Variants in MAGI1 observed in about 807,000 individuals in gnomAD.
MAGI1 encodes membrane-associated guanylate kinase, WW and PDZ domain-containing protein 1.
A neutral mutation model predicts 139.9 loss-of-function variants in MAGI1; 58 were observed. The ratio of observed to expected loss-of-function variants is 0.41; its 90% CI spans 0.34 to 0.52. The LOEUF is 0.52. Ranked by LOEUF, MAGI1 falls within the 20% of genes least tolerant of loss-of-function variation. The pLI is 0.12. For synonymous variants in MAGI1, 812 were observed against 737.9 expected (o/e 1.10, Z -1.63); for missense variants, 1,874 against 1,901.6 (o/e 0.99, Z 0.27).
chr3:65,357,854 G>A (rs957730730), intron 22 of MAGI1, among the ~76,000 whole-genome samples: 7 of 152,018 alleles, frequency 4.6e-5, no homozygotes, highest in African/African-American at 1.7e-4. Flanking sequence ...TGTACGCAAG[G>A]GCCCATTAAA....
intron 8 of MAGI1, 149 bp downstream of exon 8, chr3:65,442,643 T>C: frequency 5.5e-6 from 3 of 543,840 alleles, no homozygotes; most frequent in Non-Finnish European, 9.8e-6. Flanking sequence ...TATTTTCTCA[T>C]TCATTAATAT....
In MAGI1 at chr3:65,399,705, A is replaced by C. The variant is rs979912337; in HGVS notation, c.2199+1734T>G. 2.6e-5 allele frequency among the ~76,000 whole-genome samples: 4 copies of C among 152,320 alleles called. No homozygotes were observed. The South Asian group carries it at 8.3e-4, about 32-fold the overall frequency. ...TTGCTAATGATATGGCTTCTGCAAA[A>C]ATTAACTGTCATAGGGAATTCTCTT... On this transcript the variant is annotated intron_variant, in intron 13 of 22. Transcript: ENST00000402939.
At chr3:65,376,162 G>A (rs1421930452) in intron 17 of MAGI1, among the ~76,000 whole-genome samples, 1 of 152,176 alleles carries the variant, frequency 6.6e-6, no homozygotes, top group African/African-American at 2.4e-5. Context: ...AGAATTCATT[G>A]CTGCCATCCT....
At chr3:65,603,512 G>C (rs1232085788) in intron 2 of MAGI1, among the ~76,000 whole-genome samples, 1 of 152,192 alleles carries the variant, frequency 6.6e-6, no homozygotes, top group Non-Finnish European at 1.5e-5. Flanking sequence ...TTTCTGTCTA[G>C]TTGATTGAAC....
At chr3:65,983,443 T>C (rs1267188453) in intron 1 of MAGI1, among the ~76,000 whole-genome samples, 2 of 152,250 alleles carry the variant, frequency 1.3e-5, no homozygotes, top group African/African-American at 4.8e-5. Context: ...ATTTCAACTC[T>C]GGACTTTTCT....
intron 1 of MAGI1, among the ~76,000 whole-genome samples, chr3:65,632,498 C>T (rs183742679): frequency 1.3e-5 from 2 of 152,282 alleles, no homozygotes; most frequent in South Asian, 4.1e-4. Context: ...AAAACTCTCA[C>T]ATCTAAAAAA....
At chr3:65,443,157 GC>G (rs1403191808) in intron 7 of MAGI1, among the ~76,000 whole-genome samples, 2 of 152,202 alleles carry the variant, frequency 1.3e-5, no homozygotes, top group Admixed American at 1.3e-4. Flanking sequence ...TGCCTTGAAT[GC>G]CTAGTTCCTA....
At chr3:65,706,033 A>G (rs2030211243) in intron 1 of MAGI1, among the ~76,000 whole-genome samples, 1 of 152,232 alleles carries the variant, frequency 6.6e-6, no homozygotes, top group South Asian at 2.1e-4. Context: ...TATTTGTGAG[A>G]ATATGCCTTT....
chr3:65,654,153 T>C (rs2085737133), intron 1 of MAGI1, among the ~76,000 whole-genome samples: 1 of 152,172 alleles, frequency 6.6e-6, no homozygotes, highest in African/African-American at 2.4e-5. Context: ...AGATATAGAA[T>C]ACATGGCAAA....
intron 2 of MAGI1, among the ~76,000 whole-genome samples, chr3:65,525,656 A>G (rs1031040636): frequency 6.6e-6 from 1 of 152,240 alleles, no homozygotes; most frequent in Non-Finnish European, 1.5e-5. Flanking sequence ...TGGTCATTCA[A>G]TTACAGTCAC....
In MAGI1 at chr3:65,430,767, T is replaced by C; in HGVS notation, c.1478A>G (p.Asp493Gly). The change falls in exon 11 of 23, where the codon GAT (aspartate) becomes GGT (glycine). Residue 493 changes from aspartate (D) to glycine (G), a missense_variant. Asp to Gly is a moderately conservative substitution (Grantham distance 94, BLOSUM62 -1). This residue lies in a region of MAGI1 where 86 missense variants were observed against 130.0 expected (regional missense o/e 0.66). Transcript: ENST00000402939. Reference sequence around the variant, plus strand: ...CAAGCTCTTGATCTGGAGAAACTCATCAGGTTCATCCCCTCCAACCACCGT... The same window carrying C: ...CAAGCTCTTGATCTGGAGAAACTCACCAGGTTCATCCCCTCCAACCACCGT... ...GFTVVGGDEP[D>G]EFLQIKSLVL... The C allele has an allele frequency of 6.2e-7, 1 of 1,613,670 alleles. No individual in the cohort carries two copies.
chr3:65,424,986 G>C (rs1946904742), intron 12 of MAGI1, among the ~76,000 whole-genome samples: 1 of 151,628 alleles, frequency 6.6e-6, no homozygotes, highest in African/African-American at 2.4e-5. Flanking sequence ...TAAGGCAGGA[G>C]GTTCATTTAA....
intron 3 of MAGI1, among the ~76,000 whole-genome samples, chr3:65,490,894 G>A (rs554967201): frequency 6.7e-6 from 1 of 149,940 alleles, no homozygotes; most frequent in East Asian, 2.0e-4. Flanking sequence ...CTCTCATATG[G>A]TAAGGAAATT....
At chr3:65,829,302 T>C (rs758895562) in intron 1 of MAGI1, among the ~76,000 whole-genome samples, 60 of 152,308 alleles carry the variant, frequency 3.9e-4, no homozygotes, top group Non-Finnish European at 5.4e-4. Context: ...CATAGTGCTA[T>C]GGTCTGAATG....
chr3:65,771,019 G>T (rs2037908023), intron 1 of MAGI1, among the ~76,000 whole-genome samples: 1 of 151,856 alleles, frequency 6.6e-6, no homozygotes, highest in South Asian at 2.1e-4. Flanking sequence ...GAAGATTACT[G>T]GGCAGGGTGT....
chr3:65,429,711 T>C lies in MAGI1; in HGVS notation c.1976A>G (p.Asp659Gly). ...TCTTTGGCCACCCCCACCAGGACTG[T>C]CTGCGATAGTAAAACCAAAGCCCAT... ...GPMGFGFTIA[D>G]SPGGGGQRVK... Residue 659 changes from aspartate (D) to glycine (G), a missense_variant, in exon 12 of 23, where the codon GAC becomes GGC. By Grantham distance (94) the Asp-to-Gly change is moderately conservative (BLOSUM62 -1). Coordinates refer to ENST00000402939, the MANE Select transcript of MAGI1 (RefSeq NM_001033057.2). 1 of 1,613,946 alleles carries C rather than the reference T, an allele frequency of 6.2e-7. No homozygotes were observed. Among genetic ancestry groups the C allele is most frequent in the Non-Finnish European group, 8.5e-7 (1 of 1,179,954 alleles).
chr3:65,662,784 C>A (rs1159727174), intron 1 of MAGI1, among the ~76,000 whole-genome samples: 1 of 152,144 alleles, frequency 6.6e-6, no homozygotes, highest in East Asian at 1.9e-4. Context: ...TCATACTATA[C>A]ATTAGATTTC....
intron 1 of MAGI1, among the ~76,000 whole-genome samples, chr3:66,005,751 G>T (rs1183525720): frequency 1.3e-5 from 2 of 152,126 alleles, no homozygotes; most frequent in African/African-American, 4.8e-5. Context: ...GCCAGGGAGA[G>T]ATTTGGTAGA....
At chr3:65,919,214 T>G (rs2062052080) in intron 1 of MAGI1, among the ~76,000 whole-genome samples, 1 of 152,216 alleles carries the variant, frequency 6.6e-6, no homozygotes, top group South Asian at 2.1e-4. Context: ...GACTTCTCAT[T>G]CTGAAGTTAT....
Sources: gnomAD v4.1 joint callset for allele counts (sites outside exome capture counted in the v4.1 genomes callset) on GRCh38, gnomAD v4.1.1 for gene constraint, gnomAD v4.1.1 regional missense constraint, MANE v1.5 for transcripts, NCBI Gene and HGNC (gene_info 2026-07-23, HGNC 2026-07-21) for gene names.